The following ENKUR variants were observed in gnomAD, a reference collection of about 807,000 sequenced individuals.
ENKUR encodes enkurin.
In ENKUR, 19 loss-of-function variants were observed where a neutral mutation model predicts 27.6. The ratio of observed to expected loss-of-function variants is 0.69; its 90% CI spans 0.48 to 1.01. The LOEUF (loss-of-function observed/expected upper bound fraction) is 1.01, where lower values mean the gene tolerates loss of function less well. Ranked by LOEUF, ENKUR falls within the 50% of genes least tolerant of loss-of-function variation. The probability of loss-of-function intolerance (pLI) is 0.00; values close to 1 mark genes in which losing one functional copy is unlikely to be tolerated. For missense variants in ENKUR, 312 were observed against 310.5 expected (o/e 1.00, Z -0.04); for synonymous variants, 117 against 96.9 (o/e 1.21, Z -1.22).
At chr10:25,020,914 C>T (rs1850706854), upstream of ENKUR, among the ~76,000 whole-genome samples, 1 of 152,050 alleles carries the variant, frequency 6.6e-6, no homozygotes, top group Admixed American at 6.6e-5. Flanking sequence ...ATGTAAGTGC[C>T]CTAAAAGCAG....
chr10:25,037,960 G>T (rs994243084), intron 2 of ENKUR, among the ~76,000 whole-genome samples: 1 of 152,120 alleles, frequency 6.6e-6, no homozygotes, highest in African/African-American at 2.4e-5. Context: ...TTGACTTCTT[G>T]TTATGCTTCA....
At chr10:25,045,908 G>T (rs952489806) in intron 2 of ENKUR, among the ~76,000 whole-genome samples, 14 of 152,080 alleles carry the variant, frequency 9.2e-5, no homozygotes, top group Non-Finnish European at 1.6e-4. Context: ...AAAATAAAAG[G>T]ATATATAGAG....
At chr10:25,039,315 C>T (rs975988237) in intron 2 of ENKUR, among the ~76,000 whole-genome samples, 1 of 152,116 alleles carries the variant, frequency 6.6e-6, no homozygotes, top group Non-Finnish European at 1.5e-5. Context: ...CACAGTGGCT[C>T]ACACCTGTAA....
chr10:24,986,393 A>C (rs762747785), intron 4 of ENKUR, among the ~76,000 whole-genome samples: 10 of 152,194 alleles, frequency 6.6e-5, no homozygotes, highest in Non-Finnish European at 1.2e-4. Flanking sequence ...GAAAGGATAG[A>C]AGAAAAAGTA....
At chr10:25,038,825 C>G (rs1309387477) in intron 2 of ENKUR, among the ~76,000 whole-genome samples, 1 of 152,198 alleles carries the variant, frequency 6.6e-6, no homozygotes, top group Non-Finnish European at 1.5e-5. Flanking sequence ...TAAAAGGTAT[C>G]TGTTTCTCAT....
intron 2 of ENKUR, among the ~76,000 whole-genome samples, chr10:25,057,602 G>T (rs1233788827): frequency 6.6e-6 from 1 of 152,130 alleles, no homozygotes; most frequent in East Asian, 1.9e-4. Flanking sequence ...TCAGGCTGCT[G>T]CTGCTAAGTC....
At chr10:25,020,493 A>G (rs1850698237), upstream of ENKUR, among the ~76,000 whole-genome samples, 1 of 152,136 alleles carries the variant, frequency 6.6e-6, no homozygotes, top group Middle Eastern at 3.2e-3. Context: ...CTGGGCCAGT[A>G]TGGTGGTTCA....
intron 1 of ENKUR, among the ~76,000 whole-genome samples, chr10:25,014,123 T>G (rs1224574473): frequency 6.6e-6 from 1 of 152,164 alleles, no homozygotes; most frequent in Non-Finnish European, 1.5e-5. Flanking sequence ...TTTCATCCGA[T>G]TTTGGTCACA....
intron 2 of ENKUR, chr10:25,024,427 G>T (rs367746986): frequency 2.5e-6 from 4 of 1,613,924 alleles, no homozygotes; most frequent in African/African-American, 2.7e-5. Flanking sequence ...GCAAAGGATA[G>T]CTGTGGTTGC....
In ENKUR at chr10:24,995,850, GT is replaced by G; in HGVS notation, c.242del (p.Asn81ThrfsTer10). On this transcript the variant is annotated frameshift_variant, in exon 3 of 6. Transcript: ENST00000331161. LOFTEE classifies it high-confidence loss of function. ...ATGGCACAGCAGGCTTTTTGGGCAC[GT>G]TCCGATCAAAGTTTTTTTCTGTTAA... Reference protein sequence around the residue: ...TLPPKKNFDRNVPKKPAVPLK... With the variant: ...TLPPKKNFDRXVPKKPAVPLK... 6.2e-7 allele frequency: 1 copy of G among 1,603,926 alleles called. No homozygotes were observed. Among genetic ancestry groups the G allele is most frequent in the Non-Finnish European group, 8.5e-7 (1 of 1,177,438 alleles).
intron 4 of ENKUR, among the ~76,000 whole-genome samples, chr10:24,987,581 T>C (rs1849806491): frequency 6.6e-6 from 1 of 152,180 alleles, no homozygotes; most frequent in African/African-American, 2.4e-5. Context: ...AGAGCAAGAC[T>C]GTCTCAAATA....
At chr10:25,052,698 A>G (rs1052765191) in intron 2 of ENKUR, among the ~76,000 whole-genome samples, 5 of 152,124 alleles carry the variant, frequency 3.3e-5, no homozygotes, top group African/African-American at 7.2e-5. Flanking sequence ...CTTTGAGCTC[A>G]GGAGTTCGAG....
rs555969271 is a variant in ENKUR, at chr10:25,002,587, TA to T, written c.78-3042del. ...AGAGTCTGATAACTGTTGTTTCATA[TA>T]TTTTTTTTCTGGTGTTCTAGTTGTT... On this transcript the variant is annotated intron_variant, in intron 1 of 5. Coordinates refer to ENST00000331161, the MANE Select transcript of ENKUR (RefSeq NM_145010.4). Among the ~76,000 whole-genome samples the T allele has an allele frequency of 5.9e-5, 9 of 152,334 alleles. No homozygotes were observed. In the East Asian group the frequency reaches 1.7e-3, roughly 29 times the overall value.
chr10:24,998,319 C>T (rs963345154), intron 2 of ENKUR, among the ~76,000 whole-genome samples: 2 of 148,022 alleles, frequency 1.4e-5, no homozygotes, highest in Non-Finnish European at 3.0e-5. Flanking sequence ...CTCTCCCCTC[C>T]CCTCCCCTCC....
At chr10:25,023,925 A>G in intron 2 of ENKUR, 1 of 1,614,172 alleles carries the variant, frequency 6.2e-7, no homozygotes, top group Non-Finnish European at 8.5e-7. Context: ...TCATTTCAAC[A>G]AGACACGTTT....
chr10:25,009,618 A>G (rs962683887), intron 1 of ENKUR, among the ~76,000 whole-genome samples: 2 of 152,086 alleles, frequency 1.3e-5, no homozygotes, highest in African/African-American at 2.4e-5. Flanking sequence ...TTGCCATGTG[A>G]TATGGTTTTG....
At chr10:25,059,796 C>T (rs1302816296) in intron 2 of ENKUR, among the ~76,000 whole-genome samples, 5 of 151,922 alleles carry the variant, frequency 3.3e-5, no homozygotes, top group Admixed American at 2.0e-4. Flanking sequence ...TGCATTCCAG[C>T]CTGGGTGACA....
intron 4 of ENKUR, among the ~76,000 whole-genome samples, chr10:24,988,468 T>C (rs1301305727): frequency 3.4e-5 from 5 of 146,244 alleles, no homozygotes; most frequent in African/African-American, 1.2e-4. Context: ...ATATAATTTA[T>C]TTATATATAA....
chr10:25,040,210 T>A (rs1588681961), intron 2 of ENKUR, among the ~76,000 whole-genome samples: 1 of 152,124 alleles, frequency 6.6e-6, no homozygotes, highest in East Asian at 1.9e-4. Flanking sequence ...ATTCTAGCGG[T>A]CAAAGCAAGC....
Sources: allele counts gnomAD v4.1 joint callset (sites outside exome capture counted in the v4.1 genomes callset), GRCh38; gene constraint gnomAD v4.1.1; transcripts MANE v1.5; gene names NCBI Gene and HGNC (gene_info 2026-07-23, HGNC 2026-07-21).